Variants in RBFOX1 observed in about 807,000 individuals in gnomAD.
RBFOX1 encodes the protein RNA binding protein fox-1 homolog 1.
Under a neutral mutation model 57.7 loss-of-function variants are expected in RBFOX1, and 8 were observed. That is an observed-to-expected ratio of 0.14 (90% CI 0.08 to 0.25). RBFOX1 has a LOEUF of 0.25. Among genes scored for constraint, RBFOX1 ranks in the 10% least tolerant of loss-of-function variants. The probability of loss-of-function intolerance (pLI) is 1.00; values close to 1 mark genes in which losing one functional copy is unlikely to be tolerated. For synonymous variants in RBFOX1, 326 were observed against 222.4 expected, an observed-to-expected ratio of 1.47 and a Z score of -4.15; for missense variants, 611 against 548.5, an observed-to-expected ratio of 1.11 and a Z score of -1.14.
At chr16:5,741,212 T>C (rs549098423) in intron 3 of RBFOX1, among the ~76,000 whole-genome samples, 145 of 152,198 alleles carry the variant, frequency 9.5e-4, no homozygotes, top group Middle Eastern at 3.4e-3. Flanking sequence ...CATCTGTCCT[T>C]GGGGCTGCCA....
intron 1 of RBFOX1, among the ~76,000 whole-genome samples, chr16:5,248,257 TA>T (rs2062353554): frequency 1.3e-5 from 2 of 152,242 alleles, no homozygotes; most frequent in Non-Finnish European, 1.5e-5. Flanking sequence ...TAAGCATGCA[TA>T]TTTAAGTGTT....
chr16:6,700,079 C>G (rs1255068923), intron 3 of RBFOX1, among the ~76,000 whole-genome samples: 5 of 152,140 alleles, frequency 3.3e-5, no homozygotes, highest in Admixed American at 2.0e-4. Flanking sequence ...CTCTCCCCCA[C>G]TCACCGTAGC....
At chr16:6,757,561 T>C (rs116108806) in intron 3 of RBFOX1, among the ~76,000 whole-genome samples, 2,943 of 152,232 alleles carry the variant, frequency 0.019, 94 homozygotes, top group African/African-American at 0.067. Flanking sequence ...AAGACAAATA[T>C]GACATGTTCT....
intron 5 of RBFOX1, among the ~76,000 whole-genome samples, chr16:7,524,669 G>T (rs896348089): frequency 7.2e-5 from 11 of 152,214 alleles, no homozygotes; most frequent in African/African-American, 2.7e-4. Flanking sequence ...CTGAGCTGGA[G>T]GCTCTACTGA....
intron 1 of RBFOX1, among the ~76,000 whole-genome samples, chr16:5,329,388 C>T (rs567326541): frequency 3.9e-5 from 6 of 152,076 alleles, no homozygotes; most frequent in African/African-American, 1.4e-4. Context: ...AAGGGACTAC[C>T]CACTTTTAAA....
At chr16:6,145,501 G>A (rs949475943) in intron 1 of RBFOX1, among the ~76,000 whole-genome samples, 1 of 151,448 alleles carries the variant, frequency 6.6e-6, no homozygotes, top group African/African-American at 2.5e-5. Flanking sequence ...GAACATATGT[G>A]TGCGTGTGTC....
intron 3 of RBFOX1, among the ~76,000 whole-genome samples, chr16:6,797,637 T>A (rs74007055): frequency 0.02 from 3,092 of 152,228 alleles, 100 homozygotes; most frequent in African/African-American, 0.069. Context: ...CTGGGCACTG[T>A]ATCTGTTCTC....
intron 3 of RBFOX1, among the ~76,000 whole-genome samples, chr16:6,940,111 G>C (rs960926256): frequency 1.3e-5 from 2 of 152,142 alleles, no homozygotes; most frequent in Non-Finnish European, 2.9e-5. Flanking sequence ...AGAATCACTT[G>C]AACCCAGGAG....
intron 3 of RBFOX1, among the ~76,000 whole-genome samples, chr16:6,853,375 T>TGCATAACGTTGAATTTTAGTTC (rs1251773455): frequency 1.3e-5 from 2 of 152,178 alleles, no homozygotes; most frequent in Non-Finnish European, 2.9e-5. Context: ...AAGGGTTGGC[T>TGCATAACGTTGAATTTTAGTTC]GCATAACGTT....
chr16:5,903,479 T>G (rs1283683215), intron 4 of RBFOX1, among the ~76,000 whole-genome samples: 1 of 152,094 alleles, frequency 6.6e-6, no homozygotes, highest in Non-Finnish European at 1.5e-5. Flanking sequence ...CTCCTCTTTC[T>G]CATCTGGTCC....
chr16:6,670,019 ATCTG>A (rs1301835453), intron 3 of RBFOX1, among the ~76,000 whole-genome samples: 5 of 152,088 alleles, frequency 3.3e-5, no homozygotes, highest in South Asian at 2.1e-4. Flanking sequence ...CTATCTATCT[ATCTG>A]TCTATCTCTA....
At chr16:5,902,655 ATCTGCATACCTCGGCC>A (rs1219348926) in intron 4 of RBFOX1, among the ~76,000 whole-genome samples, 1 of 152,100 alleles carries the variant, frequency 6.6e-6, no homozygotes, top group Non-Finnish European at 1.5e-5. Flanking sequence ...GCCTCAAGTG[ATCTGCATACCTCGGCC>A]TCCCAAAGTC....
intron 3 of RBFOX1, among the ~76,000 whole-genome samples, chr16:6,863,724 G>GTTT (rs2059410258): frequency 3.1e-5 from 1 of 32,156 alleles, no homozygotes; most frequent in African/African-American, 1.6e-4. Context: ...GGATGCCTGC[G>GTTT]CTTTTTTTTT....
intron 14 of RBFOX1, among the ~76,000 whole-genome samples, chr16:7,702,025 C>T (rs2080901015): frequency 6.6e-6 from 1 of 152,170 alleles, no homozygotes; most frequent in African/African-American, 2.4e-5. Flanking sequence ...CATGTACCTG[C>T]ATAGTGCACT....
chr16:7,364,281 G>A (rs1484152394), intron 4 of RBFOX1, among the ~76,000 whole-genome samples: 1 of 152,094 alleles, frequency 6.6e-6, no homozygotes, highest in Non-Finnish European at 1.5e-5. Context: ...ACCCTTTGAA[G>A]TATGAGATCT....
chr16:6,265,386 C>T (rs925783319), intron 1 of RBFOX1, among the ~76,000 whole-genome samples: 5 of 152,136 alleles, frequency 3.3e-5, no homozygotes, highest in Admixed American at 1.3e-4. Flanking sequence ...CTCAGCCTCC[C>T]GAGTAGCTGG....
Position 6,110,613 on chromosome 16 carries a change from T to C in RBFOX1, c.-127+90621T>C, listed in dbSNP as rs551441977. ...AATGTGAAATCAATCTGCCCTAACA[T>C]TGAGCACTTTCTGTGTGAAGGACAC... On this transcript the variant is annotated intron_variant, in intron 1 of 15. Coordinates refer to ENST00000550418, the MANE Select transcript of RBFOX1 (RefSeq NM_018723.4). Among the ~76,000 whole-genome samples the C allele has an allele frequency of 3.3e-5, 5 of 152,276 alleles. No individual in the cohort carries two copies. In the South Asian group the frequency reaches 8.3e-4, roughly 25 times the overall value.
intron 1 of RBFOX1, among the ~76,000 whole-genome samples, chr16:5,360,958 G>T (rs553350321): frequency 2.0e-5 from 3 of 152,270 alleles, no homozygotes; most frequent in South Asian, 4.1e-4. Flanking sequence ...CTGCGGTGAG[G>T]AGGTGTGTAA....
At chr16:7,191,701 C>T (rs780534727) in intron 4 of RBFOX1, among the ~76,000 whole-genome samples, 31 of 152,174 alleles carry the variant, frequency 2.0e-4, no homozygotes, top group East Asian at 5.8e-4. Context: ...ATACTGTCTT[C>T]AGTTGTTTTA....
Sources: allele counts gnomAD v4.1 joint callset (sites outside exome capture counted in the v4.1 genomes callset), GRCh38; gene constraint gnomAD v4.1.1; transcripts MANE v1.5; gene names NCBI Gene and HGNC (gene_info 2026-07-23, HGNC 2026-07-21).